The following CNTN5 variants were observed in gnomAD, a reference collection of about 807,000 sequenced individuals.
CNTN5 encodes the protein contactin 5.
A neutral mutation model predicts 129.1 loss-of-function variants in CNTN5; 77 were observed. The ratio of observed to expected loss-of-function variants is 0.60; its 90% confidence interval spans 0.50 to 0.72. The LOEUF is 0.72. Among genes scored for constraint, CNTN5 ranks in the 30% least tolerant of loss-of-function variants. The pLI is 0.00. For missense variants in CNTN5, 1,478 were observed against 1,328.8 expected (o/e 1.11, Z -1.75); for synonymous variants, 509 against 465.6 (o/e 1.09, Z -1.20).
At chr11:99,852,722 G>A (rs1947911001) in intron 6 of CNTN5, among the ~76,000 whole-genome samples, 1 of 152,108 alleles carries the variant, frequency 6.6e-6, no homozygotes, top group Non-Finnish European at 1.5e-5. Flanking sequence ...TTTTATCATA[G>A]TGCTCTTTTG....
intron 1 of CNTN5, among the ~76,000 whole-genome samples, chr11:99,179,483 CAT>C (rs1201474308): frequency 2.0e-5 from 3 of 151,930 alleles, no homozygotes; most frequent in Non-Finnish European, 2.9e-5. Flanking sequence ...CAAAAACAAA[CAT>C]AAAAAACAAC....
chr11:99,306,822 T>C (rs1391695930), intron 1 of CNTN5, among the ~76,000 whole-genome samples: 1 of 151,274 alleles, frequency 6.6e-6, no homozygotes, highest in Non-Finnish European at 1.5e-5. Context: ...AAATTAACCA[T>C]GTTAATCATT....
intron 1 of CNTN5, among the ~76,000 whole-genome samples, chr11:99,071,950 TAA>T (rs5793965): frequency 6.6e-6 from 1 of 151,100 alleles, no homozygotes; most frequent in Non-Finnish European, 1.5e-5. Flanking sequence ...GTGAATACAA[TAA>T]AAAAAAAGAA....
At chr11:99,895,651 G>C (rs1366178869) in intron 6 of CNTN5, among the ~76,000 whole-genome samples, 1 of 152,070 alleles carries the variant, frequency 6.6e-6, no homozygotes, top group Non-Finnish European at 1.5e-5. Flanking sequence ...AGTGAGTGGG[G>C]GAAGAGTGAG....
At chr11:99,581,520 A>G (rs1251179029) in intron 3 of CNTN5, among the ~76,000 whole-genome samples, 1 of 150,124 alleles carries the variant, frequency 6.7e-6, no homozygotes, top group African/African-American at 2.5e-5. Flanking sequence ...GTGCTCCTGT[A>G]TTGGGTGCAT....
intron 1 of CNTN5, among the ~76,000 whole-genome samples, chr11:99,140,323 T>A (rs1231538501): frequency 6.6e-6 from 1 of 152,122 alleles, no homozygotes; most frequent in Non-Finnish European, 1.5e-5. Flanking sequence ...GTGAGCATAG[T>A]ACATACTAGG....
In CNTN5 at chr11:100,340,596, G is replaced by A. The variant is rs755001689; in HGVS notation, c.2864G>A (p.Gly955Glu). ...LYHFTVRAYN[G>E]AGYGPPSSEV... is the part of the protein sequence containing the mutation. ...CACTTCACAGTGAGGGCTTACAATG[G>A]AGCTGGATATGGGCCACCTAGCAGT... The change falls in exon 22 of 25, where the codon GGA becomes GAA. Residue 955 changes from glycine to glutamate, a missense_variant. Gly to Glu is a moderately conservative substitution (Grantham distance 98). Coordinates refer to ENST00000524871, the MANE Select transcript of CNTN5 (RefSeq NM_014361.4). The A allele has an allele frequency of 6.2e-7, 1 of 1,613,282 alleles. No homozygotes were observed. Among genetic ancestry groups the A allele is most frequent in the Non-Finnish European group, 8.5e-7 (1 of 1,179,602 alleles).
At chr11:99,179,298 C>T (rs554553486) in intron 1 of CNTN5, among the ~76,000 whole-genome samples, 10 of 151,928 alleles carry the variant, frequency 6.6e-5, no homozygotes, top group African/African-American at 1.2e-4. Flanking sequence ...AAAAATTAGC[C>T]GGGCAAAGGG....
At chr11:99,578,616 A>G (rs562604605) in intron 3 of CNTN5, among the ~76,000 whole-genome samples, 280 of 149,580 alleles carry the variant, frequency 1.9e-3, no homozygotes, top group Non-Finnish European at 3.0e-3. Context: ...TTTTGGCTGC[A>G]TAAATGTCTT....
intron 3 of CNTN5, among the ~76,000 whole-genome samples, chr11:99,769,969 G>A (rs1944889425): frequency 1.3e-5 from 2 of 152,012 alleles, no homozygotes. Flanking sequence ...GGTGTTATTT[G>A]TTTTACATTT....
chr11:99,415,357 G>A (rs1942607207), intron 2 of CNTN5, among the ~76,000 whole-genome samples: 1 of 152,058 alleles, frequency 6.6e-6, no homozygotes, highest in Non-Finnish European at 1.5e-5. Context: ...AATAGTGTGA[G>A]GAAGAAAACC....
chr11:100,261,406 C>G (rs1448217474), intron 17 of CNTN5, among the ~76,000 whole-genome samples: 1 of 152,176 alleles, frequency 6.6e-6, no homozygotes, highest in Non-Finnish European at 1.5e-5. Context: ...CTCTCCTCAT[C>G]AAGCTGTCAT....
chr11:99,993,448 G>A (rs1939250250), intron 8 of CNTN5, among the ~76,000 whole-genome samples: 1 of 152,110 alleles, frequency 6.6e-6, no homozygotes, highest in African/African-American at 2.4e-5. Flanking sequence ...TGGCACCAGG[G>A]ATCAACTTCA....
chr11:99,561,360 A>G (rs1315844811), intron 3 of CNTN5, among the ~76,000 whole-genome samples: 3 of 152,212 alleles, frequency 2.0e-5, no homozygotes, highest in Non-Finnish European at 4.4e-5. Flanking sequence ...ATGAATATTC[A>G]TAAGTCCATA....
At chr11:99,374,185 G>T (rs1940012859) in intron 2 of CNTN5, among the ~76,000 whole-genome samples, 1 of 152,074 alleles carries the variant, frequency 6.6e-6, no homozygotes, top group African/African-American at 2.4e-5. Flanking sequence ...ATAGTCAGAG[G>T]TCCAATTTCA....
intron 2 of CNTN5, among the ~76,000 whole-genome samples, chr11:99,545,089 C>T (rs1948247642): frequency 6.6e-6 from 1 of 152,104 alleles, no homozygotes; most frequent in Non-Finnish European, 1.5e-5. Flanking sequence ...AATACGTTCC[C>T]AAGTTTGTTG....
intron 21 of CNTN5, among the ~76,000 whole-genome samples, chr11:100,317,757 T>C (rs1205469180): frequency 1.3e-5 from 2 of 152,208 alleles, no homozygotes; most frequent in Non-Finnish European, 2.9e-5. Flanking sequence ...CTTTACTGTG[T>C]TTTTGTTTCA....
chr11:99,337,756 A>G (rs1173053932), intron 2 of CNTN5, among the ~76,000 whole-genome samples: 1 of 152,120 alleles, frequency 6.6e-6, no homozygotes, highest in Non-Finnish European at 1.5e-5. Flanking sequence ...TTTTTCCGGG[A>G]CTATCTATTA....
At chr11:99,238,208 A>G (rs911538301) in intron 1 of CNTN5, among the ~76,000 whole-genome samples, 1 of 152,194 alleles carries the variant, frequency 6.6e-6, no homozygotes, top group Non-Finnish European at 1.5e-5. Context: ...AAAAGGAACA[A>G]TTTGTTAAAT....
Sources: allele counts gnomAD v4.1 joint callset (sites outside exome capture counted in the v4.1 genomes callset), GRCh38; gene constraint gnomAD v4.1.1; transcripts MANE v1.5; gene names NCBI Gene and HGNC (gene_info 2026-07-23, HGNC 2026-07-21).